The following NAV1 variants were observed in gnomAD, a reference collection of about 807,000 sequenced individuals.
NAV1 encodes the protein pore membrane and/or filament interacting like protein 3.
Under a neutral mutation model 175.2 loss-of-function variants are expected in NAV1, and 18 were observed. The ratio of observed to expected loss-of-function variants is 0.10; its 90% confidence interval spans 0.07 to 0.15. The LOEUF is 0.15. NAV1 is among the 10% of genes least tolerant of loss of function. NAV1 has a pLI of 1.00. For missense variants in NAV1, 1,731 were observed against 2,436.6 expected, an observed-to-expected ratio of 0.71 and a Z score of 6.10; for synonymous variants, 897 against 978.7, an observed-to-expected ratio of 0.92 and a Z score of 1.56.
intron 1 of NAV1, among the ~76,000 whole-genome samples, chr1:201,551,233 C>CT (rs369878346): frequency 1.1e-4 from 16 of 149,840 alleles, no homozygotes; most frequent in Admixed American, 2.0e-4. Context: ...TGGTGTCTTT[C>CT]TTTTTTTTTT....
intron 3 of NAV1, among the ~76,000 whole-genome samples, chr1:201,725,902 A>G (rs1406711734): frequency 6.6e-6 from 1 of 152,208 alleles, no homozygotes; most frequent in Non-Finnish European, 1.5e-5. Context: ...GGTTGCAGTG[A>G]GCTATGATCA....
chr1:201,783,661 G>A, exon 7 of NAV1: 1 of 1,614,232 alleles, frequency 6.2e-7, no homozygotes, highest in Non-Finnish European at 8.5e-7. Flanking sequence ...TGCCAAAAGA[G>A]ACCCGCATGT....
intron 1 of NAV1, among the ~76,000 whole-genome samples, chr1:201,657,314 A>T (rs1057214236): frequency 1.3e-5 from 2 of 152,120 alleles, no homozygotes; most frequent in African/African-American, 4.8e-5. Flanking sequence ...CATTATTAGA[A>T]AGATATTTCT....
intron 2 of NAV1, among the ~76,000 whole-genome samples, chr1:201,595,583 G>T (rs1045074390): frequency 6.6e-6 from 1 of 152,200 alleles, no homozygotes; most frequent in African/African-American, 2.4e-5. Flanking sequence ...TCAATCCGAG[G>T]CAGGGACTGG....
intron 1 of NAV1, among the ~76,000 whole-genome samples, chr1:201,624,046 T>C (rs1571850832): frequency 1.3e-5 from 2 of 152,348 alleles, no homozygotes; most frequent in Middle Eastern, 3.4e-3. Flanking sequence ...CACTGCGCCT[T>C]TACTTAGTAA....
At chr1:201,706,460 A>T (rs1443054779) in intron 1 of NAV1, among the ~76,000 whole-genome samples, 1 of 152,162 alleles carries the variant, frequency 6.6e-6, no homozygotes, top group Non-Finnish European at 1.5e-5. Context: ...GTGCTGGTCT[A>T]AAGATCCCTG....
chr1:201,785,267 C>T lies in NAV1; in HGVS notation c.2805-43C>T, dbSNP rs377708279. ...CTAGTTCCTAAGATGGACCCACATG[C>T]TTCTCTCTCTCTCTCTTTTTTTTTT... On this transcript the variant is annotated intron_variant, in intron 7 of 29. Coordinates refer to ENST00000367296, the Ensembl canonical transcript of NAV1. 1.8e-5 allele frequency: 27 copies of T among 1,540,500 alleles called. No individual in the cohort carries two copies. The African/African-American group carries it at 3.9e-4, about 22-fold the overall frequency.
At chr1:201,544,113 C>T (rs1040010942) in intron 1 of NAV1, among the ~76,000 whole-genome samples, 2 of 152,216 alleles carry the variant, frequency 1.3e-5, no homozygotes, top group Admixed American at 1.3e-4. Context: ...CTTGGTTGCA[C>T]ATTAGCACCA....
chr1:201,808,703 T>C lies in NAV1; in HGVS notation c.4039T>C (p.Leu1347=). 6.2e-7 allele frequency: 1 copy of C among 1,614,234 alleles called. No homozygotes were observed. Among genetic ancestry groups the C allele is most frequent in the Non-Finnish European group, 8.5e-7 (1 of 1,180,036 alleles). Residue 1347 remains leucine, a splice_region_variant and synonymous_variant, in exon 20 of 30, where the codon TTG becomes CTG. Coordinates refer to ENST00000367296, the Ensembl canonical transcript of NAV1. The surrounding 1 kb of genome is among the most constrained non-coding windows in gnomAD (Gnocchi z 5.5). ...CCTACCCTGTCTGTTCTTGCCACAG[T>C]TGGAGGTGGACCTGCTGAAAGCAGA...
chr1:201,794,456 T>C lies in NAV1; in HGVS notation c.3406-10T>C, dbSNP rs781112666. On this transcript the variant is annotated splice_polypyrimidine_tract_variant and intron_variant, in intron 14 of 29. Coordinates refer to ENST00000367296, the Ensembl canonical transcript of NAV1. ...GTGCCCAGCCAACGCTATTTTCATT[T>C]CTCTCTTAGGACACTGAGCTGCTGG... 1.2e-6 allele frequency: 2 copies of C among 1,609,462 alleles called. No homozygotes were observed. The highest frequency in any genetic ancestry group is 1.1e-5 in the South Asian group (1 of 90,588).
At chr1:201,566,650 A>G (rs1666362791) in intron 1 of NAV1, among the ~76,000 whole-genome samples, 1 of 152,134 alleles carries the variant, frequency 6.6e-6, no homozygotes, top group South Asian at 2.1e-4. Context: ...CAGGTGCCCC[A>G]TCCATGGTTC....
intron 1 of NAV1, among the ~76,000 whole-genome samples, chr1:201,681,740 A>AG (rs1004987885): frequency 6.6e-6 from 1 of 152,014 alleles, no homozygotes; most frequent in Non-Finnish European, 1.5e-5. Context: ...TGGGGGGCCG[A>AG]GGGGGGCAGA....
intron 1 of NAV1, among the ~76,000 whole-genome samples, chr1:201,585,321 C>G (rs1666991963): frequency 6.6e-6 from 1 of 152,090 alleles, no homozygotes; most frequent in South Asian, 2.1e-4. Flanking sequence ...GGGGGAGGCA[C>G]AGAACTAGGT....
chr1:201,659,611 C>A (rs1669531733), intron 1 of NAV1, among the ~76,000 whole-genome samples: 1 of 152,102 alleles, frequency 6.6e-6, no homozygotes, highest in Non-Finnish European at 1.5e-5. Context: ...CAGAGCAAGA[C>A]CCTGTCCCTA....
intron 1 of NAV1, chr1:201,672,995 A>T (rs1670102650): frequency 6.6e-6 from 1 of 152,238 alleles, no homozygotes; most frequent in Non-Finnish European, 1.5e-5. Context: ...ATCAGCAAGC[A>T]GTACCGAAGA....
intron 2 of NAV1, among the ~76,000 whole-genome samples, chr1:201,642,694 T>C (rs2102318425): frequency 7.1e-6 from 1 of 140,994 alleles, no homozygotes; most frequent in Non-Finnish European, 1.5e-5. Flanking sequence ...CTTCCCTTTC[T>C]TCTCTCTCTT....
At chr1:201,660,650 C>T (rs935065551) in intron 1 of NAV1, among the ~76,000 whole-genome samples, 5 of 152,234 alleles carry the variant, frequency 3.3e-5, no homozygotes, top group Non-Finnish European at 7.3e-5. Context: ...GTCTGAGTCA[C>T]TGGAAATCAG....
intron 3 of NAV1, chr1:201,724,732 C>A (rs561103935): frequency 6.6e-6 from 1 of 152,634 alleles, no homozygotes; most frequent in African/African-American, 2.4e-5. Context: ...GATTCCTTGG[C>A]GACTTCTGCC....
chr1:201,796,601 T>C (rs1239008019), intron 15 of NAV1: 1 of 134,404 alleles, frequency 7.4e-6, no homozygotes, highest in Non-Finnish European at 1.6e-5. Context: ...GTGCTGGGAT[T>C]ACAGGCGTGA....
Sources: gnomAD v4.1 joint callset for allele counts (sites outside exome capture counted in the v4.1 genomes callset) on GRCh38, gnomAD v4.1.1 for gene constraint, Gnocchi (gnomAD v3.1) non-coding constraint, MANE v1.5 for transcripts, NCBI Gene and HGNC (gene_info 2026-07-23, HGNC 2026-07-21) for gene names.